NKAIN3: variants seen among roughly 807,000 people sequenced by gnomAD.
NKAIN3 encodes sodium/potassium-transporting ATPase subunit beta-1-interacting protein 3.
NKAIN3 carries 25 observed loss-of-function variants against 30.2 expected under a neutral mutation model. The ratio of observed to expected loss-of-function variants is 0.83; its 90% confidence interval spans 0.60 to 1.16. The LOEUF is 1.16. Among genes scored for constraint, NKAIN3 ranks in the 50% most tolerant of loss-of-function variants. The probability of loss-of-function intolerance (pLI) is 0.00; values close to 1 mark genes in which losing one functional copy is unlikely to be tolerated. For synonymous variants in NKAIN3, 91 were observed against 89.6 expected (o/e 1.02, Z -0.09); for missense variants, 225 against 254.1 (o/e 0.89, Z 0.78).
chr8:62,786,661 A>C (rs1817529798), intron 4 of NKAIN3, among the ~76,000 whole-genome samples: 1 of 152,188 alleles, frequency 6.6e-6, no homozygotes, highest in Admixed American at 6.6e-5. Context: ...TTTGCATTAG[A>C]ATGCATTCGG....
At position 62,727,408 on chromosome 8, in the gene NKAIN3, CTT is replaced by C. The variant is rs368320308; in HGVS notation, c.274-19522_274-19521del. Among the ~76,000 whole-genome samples the C allele has an allele frequency of 7.6e-4, 115 of 152,162 alleles. 1 individual carries two copies. Among genetic ancestry groups the C allele is most frequent in the African/African-American group, 2.7e-3 (113 of 41,524 alleles). Reference sequence around the variant, plus strand: ...AATGATTGGAAAGGAAGAAATAAAACTTTGTTCACAGATGCCATGGTCATCTA... The same window carrying C: ...AATGATTGGAAAGGAAGAAATAAAACTGTTCACAGATGCCATGGTCATCTA... On this transcript the variant is annotated intron_variant, in intron 3 of 6. Transcript: ENST00000623646.
intron 4 of NKAIN3, among the ~76,000 whole-genome samples, chr8:62,801,252 T>G (rs138535384): frequency 0.092 from 14,071 of 152,242 alleles, 676 homozygotes; most frequent in African/African-American, 0.1. Context: ...TCTGACAGCT[T>G]TGAAGAGAGC....
intron 4 of NKAIN3, among the ~76,000 whole-genome samples, chr8:62,848,869 T>G (rs1464714374): frequency 6.6e-6 from 1 of 152,186 alleles, no homozygotes; most frequent in Non-Finnish European, 1.5e-5. Flanking sequence ...GTTTTCAATA[T>G]GAAGGGATGT....
chr8:62,338,428 G>T (rs1242702699), intron 1 of NKAIN3, among the ~76,000 whole-genome samples: 1 of 151,958 alleles, frequency 6.6e-6, no homozygotes, highest in Non-Finnish European at 1.5e-5. Context: ...TGGAACTTAT[G>T]TTCTGCAAGG....
chr8:62,918,697 CAT>C (rs1348969344), intron 5 of NKAIN3, among the ~76,000 whole-genome samples, 184 bp downstream of exon 5: 2 of 152,134 alleles, frequency 1.3e-5, no homozygotes, highest in African/African-American at 2.4e-5. Flanking sequence ...GGTGACACTA[CAT>C]ATAGAAACAC....
intron 4 of NKAIN3, among the ~76,000 whole-genome samples, chr8:62,815,505 T>C (rs559578010): frequency 8.6e-5 from 13 of 152,006 alleles, no homozygotes; most frequent in African/African-American, 3.1e-4. Context: ...AGCAGCACAT[T>C]AAAAAGCTTA....
At chr8:62,752,559 A>G (rs938474837) in intron 4 of NKAIN3, among the ~76,000 whole-genome samples, 8 of 152,242 alleles carry the variant, frequency 5.3e-5, no homozygotes, top group Non-Finnish European at 1.0e-4. Context: ...GCCTCACAAG[A>G]GCATTTGTTG....
At chr8:62,774,567 T>C (rs1430631829) in intron 4 of NKAIN3, among the ~76,000 whole-genome samples, 4 of 152,206 alleles carry the variant, frequency 2.6e-5, no homozygotes, top group Non-Finnish European at 5.9e-5. Context: ...TTTCTTGTGT[T>C]GTGATATGTT....
At chr8:62,892,434 A>C (rs751678141) in intron 4 of NKAIN3, among the ~76,000 whole-genome samples, 1 of 152,218 alleles carries the variant, frequency 6.6e-6, no homozygotes, top group Non-Finnish European at 1.5e-5. Flanking sequence ...ATGTGAGAAA[A>C]TGTTTCTGAA....
chr8:62,506,568 G>A (rs569168627), intron 1 of NKAIN3, among the ~76,000 whole-genome samples: 32 of 143,354 alleles, frequency 2.2e-4, no homozygotes, highest in East Asian at 6.3e-4. Context: ...TCTGCCTCTC[G>A]GGTTCAAGCT....
rs1369805868 is a variant in NKAIN3, at chr8:62,249,046, T to C, written c.-28T>C. On this transcript the variant is annotated 5_prime_UTR_variant, in exon 1 of 7. Coordinates refer to ENST00000623646, the MANE Select transcript of NKAIN3 (RefSeq NM_001304533.3). ...GGCGGAGGACGAGGATCTCTGGCAG[T>C]CAGCGCCGCTCGGACGCCGCCGGCA... 3.9e-6 allele frequency: 6 copies of C among 1,530,212 alleles called. No homozygotes were observed. Among genetic ancestry groups the C allele is most frequent in the Non-Finnish European group, 4.4e-6 (5 of 1,140,372 alleles). 94.8% of individuals were successfully genotyped at this position (1,530,212 alleles called of 1,614,324 possible).
At chr8:62,378,667 C>T (rs944755135) in intron 1 of NKAIN3, among the ~76,000 whole-genome samples, 2 of 152,164 alleles carry the variant, frequency 1.3e-5, no homozygotes, top group African/African-American at 4.8e-5. Context: ...TTCCACGTAG[C>T]GTTGGTCCTG....
At chr8:62,686,687 T>G (rs907434131) in intron 3 of NKAIN3, among the ~76,000 whole-genome samples, 2 of 152,194 alleles carry the variant, frequency 1.3e-5, no homozygotes, top group Non-Finnish European at 2.9e-5. Context: ...ATCTTTTTAT[T>G]GCCCACAACA....
chr8:62,448,444 A>G (rs1413751419), intron 1 of NKAIN3, among the ~76,000 whole-genome samples: 1 of 149,582 alleles, frequency 6.7e-6, no homozygotes, highest in Non-Finnish European at 1.5e-5. Flanking sequence ...ATATAAAAAT[A>G]ATAGTAACAT....
chr8:62,855,929 A>C (rs1820047499), intron 4 of NKAIN3: 1 of 746,844 alleles, frequency 1.3e-6, no homozygotes, highest in Admixed American at 1.8e-5. Context: ...GTGATGCTAC[A>C]ACCTCCTTGT....
intron 1 of NKAIN3, among the ~76,000 whole-genome samples, chr8:62,289,089 G>A (rs1335861879): frequency 6.6e-6 from 1 of 152,138 alleles, no homozygotes; most frequent in Non-Finnish European, 1.5e-5. Flanking sequence ...TGATGGGGTT[G>A]TTTGATTTTT....
chr8:62,854,416 G>A (rs1203115216), intron 4 of NKAIN3, among the ~76,000 whole-genome samples: 3 of 152,094 alleles, frequency 2.0e-5, no homozygotes, highest in East Asian at 1.9e-4. Context: ...AAGATAGTTG[G>A]CACTTATTGA....
At chr8:62,896,877 G>C (rs1291339348) in intron 4 of NKAIN3, among the ~76,000 whole-genome samples, 1 of 152,126 alleles carries the variant, frequency 6.6e-6, no homozygotes, top group Admixed American at 6.6e-5. Context: ...CAGAAAAGTA[G>C]GGCCAGAAGG....
intron 1 of NKAIN3, among the ~76,000 whole-genome samples, chr8:62,536,455 C>A (rs1383832165): frequency 2.0e-5 from 3 of 152,024 alleles, no homozygotes; most frequent in Non-Finnish European, 4.4e-5. Flanking sequence ...GGAGATAGGA[C>A]CTTATCAAGT....
Sources: gnomAD v4.1 joint callset for allele counts (sites outside exome capture counted in the v4.1 genomes callset) on GRCh38, gnomAD v4.1.1 for gene constraint, MANE v1.5 for transcripts, NCBI Gene and HGNC (gene_info 2026-07-23, HGNC 2026-07-21) for gene names.